FAAH: variants seen among roughly 807,000 people sequenced by gnomAD.
FAAH encodes the protein fatty acid amide hydrolase, also known as fatty-acid amide hydrolase 1.
FAAH carries 63 observed loss-of-function variants against 69.7 expected under a neutral mutation model. The observed-to-expected ratio is 0.90, with a 90% CI of 0.74 to 1.12. The LOEUF is 1.12. Among genes scored for constraint, FAAH ranks in the 50% most tolerant of loss-of-function variants. FAAH has a pLI of 0.00. For synonymous variants in FAAH, 305 were observed against 324.2 expected, an observed-to-expected ratio of 0.94 and a Z score of 0.64; for missense variants, 680 against 755.0, an observed-to-expected ratio of 0.90 and a Z score of 1.16.
At position 46,403,176 on chromosome 1, in the gene FAAH, G is replaced by A. The variant is rs45447702; in HGVS notation, c.309+972G>A. 1.3e-4 allele frequency among the ~76,000 whole-genome samples: 19 copies of A among 151,660 alleles called. 2 individuals carry two copies. In the South Asian group the frequency reaches 3.8e-3, roughly 30 times the overall value. On this transcript the variant is annotated intron_variant, in intron 2 of 14. Coordinates refer to ENST00000243167, the MANE Select transcript of FAAH (RefSeq NM_001441.3). ...ATGGGAGTCTTGCTCTGTCGCCCAG[G>A]CTGGAGTGCAGTGGCATGATCTTGG... is the stretch of plus-strand genomic sequence containing the variant.
At position 46,406,280 on chromosome 1, in the gene FAAH, A is replaced by G. The variant is rs979012418; in HGVS notation, c.863A>G (p.Glu288Gly). The G allele has an allele frequency of 4.3e-6, 7 of 1,613,902 alleles. No homozygotes were observed. The highest frequency in any genetic ancestry group is 1.3e-5 in the African/African-American group (1 of 74,934). ...GTGGGCCCCATGGCCCGGGACGTGG[A>G]GAGCCTGGCACTGTGCCTGCGAGCC... ...LSVGPMARDVESLALCLRALL... is the reference protein window; with the variant it reads ...LSVGPMARDVGSLALCLRALL... The change falls in exon 7 of 15, where the codon GAG (glutamate) becomes GGG (glycine). Residue 288 changes from glutamate (E) to glycine (G), a missense_variant. Coordinates refer to ENST00000243167, the MANE Select transcript of FAAH (RefSeq NM_001441.3).
chr1:46,402,278 C>T (rs957276207), intron 2 of FAAH, 74 bp downstream of exon 2: 8 of 1,255,818 alleles, frequency 6.4e-6, no homozygotes, highest in Non-Finnish European at 9.1e-6. Flanking sequence ...CTTTCCCCTC[C>T]CTCTGTCCGC....
At chr1:46,406,509 G>T in intron 7 of FAAH, 141 bp downstream of exon 7, 1 of 1,060,254 alleles carries the variant, frequency 9.4e-7, no homozygotes, top group Non-Finnish European at 1.4e-6. Context: ...CTCCTCCACA[G>T]ACGGCCACCA....
Position 46,413,522 on chromosome 1 carries a change from C to T in FAAH, c.1687C>T (p.Arg563Trp), listed in dbSNP as rs370370663. The change falls in exon 15 of 15, where the codon CGG (arginine) becomes TGG (tryptophan). Residue 563 changes from arginine (R) to tryptophan (W), a missense_variant. Physicochemically the swap from Arg to Trp is moderately radical, Grantham distance 101 (BLOSUM62 -3). Coordinates refer to ENST00000243167, the MANE Select transcript of FAAH (RefSeq NM_001441.3). ...ALPWQEELCLRFMREVERLMT... is the reference protein window; with the variant it reads ...ALPWQEELCLWFMREVERLMT... The stretch of plus-strand genomic sequence containing the variant: ...GCCCTGGCAAGAAGAGTTGTGTCTG[C>T]GGTTCATGCGGGAGGTGGAGCGACT... 4.0e-5 allele frequency: 65 copies of T among 1,614,068 alleles called. No individual in the cohort carries two copies. In the East Asian group the frequency reaches 1.3e-3, roughly 32 times the overall value.
rs1274523210 is a variant in FAAH at position 46,413,645 on chromosome 1, T to C, written c.*70T>C. 6.2e-7 allele frequency: 1 copy of C among 1,607,296 alleles called. No homozygotes were observed. The highest frequency in any genetic ancestry group is 8.5e-7 in the Non-Finnish European group (1 of 1,175,234). ...CAGCCTAGTCAGGGCACAGCTGCCC[T>C]GCTGCCACAGCAAGGAAATGTCCTG... On this transcript the variant is annotated 3_prime_UTR_variant, in exon 15 of 15. Coordinates refer to ENST00000243167, the MANE Select transcript of FAAH (RefSeq NM_001441.3).
chr1:46,408,680 T>C (rs1338199367), intron 8 of FAAH, 96 bp downstream of exon 8: 25 of 1,584,660 alleles, frequency 1.6e-5, no homozygotes, highest in Middle Eastern at 2.0e-4. Context: ...ATCCTGGCAC[T>C]CTGACGATGT....
chr1:46,404,940 A>G lies in FAAH; in HGVS notation c.310-74A>G, dbSNP rs1664762686. 2.6e-5 allele frequency: 41 copies of G among 1,604,086 alleles called. No individual in the cohort carries two copies. Among genetic ancestry groups the G allele is most frequent in the South Asian group, 4.4e-5 (4 of 90,544 alleles). ...GTATACTTTAAAAGGCCAGTTCTACATGATGTATATTTCACCACAATTTCT... is the reference window on the plus strand; with the variant it reads ...GTATACTTTAAAAGGCCAGTTCTACGTGATGTATATTTCACCACAATTTCT... On this transcript the variant is annotated intron_variant, in intron 2 of 14. Coordinates refer to ENST00000243167, the MANE Select transcript of FAAH (RefSeq NM_001441.3). This position sits in a 1 kb window ranked among gnomAD's most constrained non-coding sequence, Gnocchi z 4.5.
chr1:46,411,517 G>A lies in FAAH; in HGVS notation c.1317-95G>A, dbSNP rs545721863. 3.2e-3 allele frequency: 4,336 copies of A among 1,334,268 alleles called. 15 individuals are homozygous for A. The highest frequency in any genetic ancestry group is 4.1e-3 in the Non-Finnish European group (3,831 of 938,760). The allele number at this position is 1,334,268 out of a possible 1,614,324, so 82.7% of individuals were successfully genotyped here. A position where few individuals can be genotyped will look rare whatever the true frequency, so the allele number is the denominator to read the frequency against. ...CATGGGGTTGTGAAGGGTCCACGGAGGGGTGAGATCTAGAGGGTTGGCAGT... is the reference window on the plus strand; with the variant it reads ...CATGGGGTTGTGAAGGGTCCACGGAAGGGTGAGATCTAGAGGGTTGGCAGT... On this transcript the variant is annotated intron_variant, in intron 11 of 14. Coordinates refer to ENST00000243167, the MANE Select transcript of FAAH (RefSeq NM_001441.3). The surrounding 1 kb of genome is among the most constrained non-coding windows in gnomAD (Gnocchi z 4.8).
chr1:46,413,408 G>C, intron 14 of FAAH, 39 bp from the exon 15 acceptor site: 2 of 1,613,896 alleles, frequency 1.2e-6, no homozygotes, highest in Non-Finnish European at 1.7e-6. Context: ...GGGGAGTCCT[G>C]CCTTGCTAAC....
chr1:46,398,539 C>CTT (rs549332217), intron 1 of FAAH, among the ~76,000 whole-genome samples: 3 of 144,824 alleles, frequency 2.1e-5, no homozygotes, highest in South Asian at 2.2e-4. Flanking sequence ...AACCAAGATT[C>CTT]TTTTTTTTTT....
chr1:46,405,460 G>T lies in FAAH; in HGVS notation c.533G>T (p.Gly178Val), dbSNP rs1320493074. The stretch of plus-strand genomic sequence containing the variant: ...GTGGTGCATGTGCTGAAGCTGCAGG[G>T]TGCCGTGCCCTTCGTGCACACCAAT... Reference protein sequence around the residue: ...SVVVHVLKLQGAVPFVHTNVP... With the variant: ...SVVVHVLKLQVAVPFVHTNVP... Residue 178 changes from glycine to valine, a missense_variant, in exon 4 of 15, where the codon GGT becomes GTT. Physicochemically the swap from Gly to Val is moderately radical, Grantham distance 109 (BLOSUM62 -3). Transcript: ENST00000243167. The surrounding 1 kb of genome is among the most constrained non-coding windows in gnomAD (Gnocchi z 4.1). 1.2e-6 allele frequency: 2 copies of T among 1,613,202 alleles called. No individual in the cohort carries two copies. The highest frequency in any genetic ancestry group is 1.7e-6 in the Non-Finnish European group (2 of 1,179,958).
At chr1:46,402,589 T>A (rs1029770173) in intron 2 of FAAH, among the ~76,000 whole-genome samples, 1 of 152,174 alleles carries the variant, frequency 6.6e-6, no homozygotes, top group African/African-American at 2.4e-5. Context: ...CTTGGCGCAC[T>A]GCAACCTCCA....
chr1:46,408,627 C>G (rs200778530), intron 8 of FAAH, 43 bp downstream of exon 8: 240 of 1,613,494 alleles, frequency 1.5e-4, no homozygotes, highest in Non-Finnish European at 1.9e-4. Flanking sequence ...CTCCTCCCCT[C>G]ACGGGAAGCC....
In FAAH at chr1:46,413,719, C is replaced by T. The variant is rs1409338939; in HGVS notation, c.*144C>T. On this transcript the variant is annotated 3_prime_UTR_variant, in exon 15 of 15. Transcript: ENST00000243167. ...CTCTCCCCCAACCCCCTGCAAGAAG[C>T]GCCGACTCCCTGAGTCTGGACCTCC... The T allele has an allele frequency of 1.1e-5, 13 of 1,190,136 alleles. No homozygotes were observed. The highest frequency in any genetic ancestry group is 4.0e-5 in the Admixed American group (2 of 50,482). 73.7% of individuals were successfully genotyped at this position (1,190,136 alleles called of 1,614,324 possible).
Position 46,405,492 on chromosome 1 carries a change from C to T in FAAH, c.565C>T (p.Gln189Ter). ...AVPFVHTNVP[Q>*]SMFSYDCSNP... The stretch of plus-strand genomic sequence containing the variant: ...GCCCTTCGTGCACACCAATGTTCCA[C>T]AGTCCATGTTCAGGTTGGGTCTTGG... Residue 189 changes from glutamine to a stop codon, truncating the protein, a stop_gained, in exon 4 of 15, where the codon CAG becomes TAG. Transcript: ENST00000243167. LOFTEE classifies it high-confidence loss of function. This position sits in a 1 kb window ranked among gnomAD's most constrained non-coding sequence, Gnocchi z 4.1. The T allele has an allele frequency of 6.4e-7, 1 of 1,570,068 alleles. No homozygotes were observed. Among genetic ancestry groups the T allele is most frequent in the South Asian group, 1.1e-5 (1 of 90,192 alleles).
Position 46,409,207 on chromosome 1 carries a change from T to G in FAAH, c.1175+9T>G. 6.2e-7 allele frequency: 1 copy of G among 1,609,378 alleles called. No individual in the cohort carries two copies. Among genetic ancestry groups the G allele is most frequent in the Non-Finnish European group, 8.5e-7 (1 of 1,175,848 alleles). On this transcript the variant is annotated intron_variant, in intron 9 of 14. Coordinates refer to ENST00000243167, the MANE Select transcript of FAAH (RefSeq NM_001441.3). The stretch of plus-strand genomic sequence containing the variant: ...ACCTTCCTACAGAACTTGTGAGTGA[T>G]AGTGGGCTTTGGGGTCTTGGTGGGA...
chr1:46,405,142 C>T lies in FAAH; in HGVS notation c.438C>T (p.Thr146=). ...GVPVSLKECF[T]YKGQDSTLGL... Reference sequence around the variant, plus strand: ...CTGTGAGCCTCAAGGAGTGCTTCACCTACAAGGTATGCTCTGCCTCAGCGC... The same window carrying T: ...CTGTGAGCCTCAAGGAGTGCTTCACTTACAAGGTATGCTCTGCCTCAGCGC... The change falls in exon 3 of 15, where the codon ACC becomes ACT. Residue 146 remains threonine, a synonymous_variant. Transcript: ENST00000243167. This position sits in a 1 kb window ranked among gnomAD's most constrained non-coding sequence, Gnocchi z 4.1. 6.2e-7 allele frequency: 1 copy of T among 1,613,764 alleles called. No homozygotes were observed. The highest frequency in any genetic ancestry group is 8.5e-7 in the Non-Finnish European group (1 of 1,180,054).
Position 46,410,341 on chromosome 1 carries a change from G to A in FAAH, c.1176-57G>A. On this transcript the variant is annotated intron_variant, in intron 9 of 14. Transcript: ENST00000243167. This position sits in a 1 kb window ranked among gnomAD's most constrained non-coding sequence, Gnocchi z 4.9. The stretch of plus-strand genomic sequence containing the variant: ...AATGGGATTGCTGTGGGCCGGGCGA[G>A]CAAGCTGGGAAGGATGTGGGGATGG... 1 of 1,438,088 alleles carries A rather than the reference G, an allele frequency of 7.0e-7. No individual in the cohort carries two copies. The highest frequency in any genetic ancestry group is 9.8e-7 in the Non-Finnish European group (1 of 1,019,796). The allele number at this position is 1,438,088 out of a possible 1,614,324, so 89.1% of individuals were successfully genotyped here. A position where few individuals can be genotyped will look rare whatever the true frequency, so the allele number is the denominator to read the frequency against.
At position 46,412,161 on chromosome 1, in the gene FAAH, A is replaced by G; in HGVS notation, c.1375A>G (p.Ile459Val). ...HEIEVYRKTVIAQWRALDLDV... is the reference protein window; with the variant it reads ...HEIEVYRKTVVAQWRALDLDV... ...TCCGCAGGTGTACCGCAAAACCGTG[A>G]TTGCCCAGTGGAGGGCGCTGGACCT... Residue 459 changes from isoleucine (I) to valine (V), a missense_variant, in exon 13 of 15, where the codon ATT (isoleucine) becomes GTT (valine). Transcript: ENST00000243167. The G allele has an allele frequency of 6.4e-7, 1 of 1,561,684 alleles. No homozygotes were observed. The highest frequency in any genetic ancestry group is 2.4e-5 in the East Asian group (1 of 41,610).
Sources: allele counts gnomAD v4.1 joint callset (sites outside exome capture counted in the v4.1 genomes callset), GRCh38; gene constraint gnomAD v4.1.1; non-coding constraint Gnocchi (gnomAD v3.1); transcripts MANE v1.5; gene names NCBI Gene and HGNC (gene_info 2026-07-23, HGNC 2026-07-21).